Variants in PPFIA4 observed in about 807,000 individuals in gnomAD.
PPFIA4 encodes PPFI scaffold protein A4.
Under a neutral mutation model 145.7 loss-of-function variants are expected in PPFIA4, and 98 were observed. The ratio of observed to expected loss-of-function variants is 0.67; its 90% CI spans 0.57 to 0.80. The LOEUF (loss-of-function observed/expected upper bound fraction) is 0.80. Ranked by LOEUF, PPFIA4 falls within the 30% of genes least tolerant of loss-of-function variation. The probability of loss-of-function intolerance (pLI) is 0.00; values close to 1 mark genes in which losing one functional copy is unlikely to be tolerated. For synonymous variants in PPFIA4, 628 were observed against 649.6 expected (o/e 0.97, Z 0.51); for missense variants, 1,457 against 1,632.7 (o/e 0.89, Z 1.85).
intron 16 of PPFIA4, 75 bp from the exon 17 acceptor site, chr1:203,056,045 C>G: frequency 2.0e-6 from 3 of 1,489,000 alleles, no homozygotes; most frequent in Non-Finnish European, 2.8e-6. Context: ...ATCCTAAGAC[C>G]ACTGGGCTCC....
rs1307688379 is a variant in PPFIA4 at position 203,026,594 on chromosome 1, G to A, written c.-435G>A. ...TCGGGGGCGGCTCCCTGCTGCTTCC[G>A]AGCCTAGCCGCCTGGCCTTCGGCAT... On this transcript the variant is annotated 5_prime_UTR_variant, in exon 1 of 30. Coordinates refer to ENST00000295706, the MANE Select transcript of PPFIA4 (RefSeq NM_001304331.2). The A allele has an allele frequency of 2.0e-5, 3 of 152,358 alleles. No individual in the cohort carries two copies. Among genetic ancestry groups the A allele is most frequent in the South Asian group, 4.1e-4 (2 of 4,842 alleles). The allele number at this position is 152,358 out of a possible 1,614,324, so 9.4% of individuals were successfully genotyped here.
rs1255490894 is a variant in PPFIA4, at chr1:203,078,574, A to G, written c.*2184A>G. On this transcript the variant is annotated 3_prime_UTR_variant, in exon 30 of 30. Coordinates refer to ENST00000295706, the MANE Select transcript of PPFIA4 (RefSeq NM_001304331.2). The stretch of plus-strand genomic sequence containing the variant: ...CAATATATTTTTTTTTTGGCGAGTC[A>G]CCAGTGACCCGAGCCCTCCACACCA... 6.6e-6 allele frequency: 1 copy of G among 152,132 alleles called. No individual in the cohort carries two copies. Among genetic ancestry groups the G allele is most frequent in the African/African-American group, 2.4e-5 (1 of 41,240 alleles). The allele number at this position is 152,132 out of a possible 1,614,324, so 9.4% of individuals were successfully genotyped here. A position where few individuals can be genotyped will look rare whatever the true frequency, so the allele number is the denominator to read the frequency against.
At chr1:203,067,073 A>C (rs1661773365) in intron 25 of PPFIA4, among the ~76,000 whole-genome samples, 1 of 152,202 alleles carries the variant, frequency 6.6e-6, no homozygotes, top group Non-Finnish European at 1.5e-5. Flanking sequence ...CATTTAAGCA[A>C]AGACTTAATG....
At chr1:203,051,921 C>A in intron 14 of PPFIA4, 44 bp downstream of exon 14, 1 of 1,588,770 alleles carries the variant, frequency 6.3e-7, no homozygotes, top group South Asian at 1.1e-5. Context: ...GGGGTCAATT[C>A]GGCCGCGTGC....
At chr1:203,050,095 A>C (rs1270095786) in intron 13 of PPFIA4, among the ~76,000 whole-genome samples, 52 of 152,184 alleles carry the variant, frequency 3.4e-4, no homozygotes, top group Admixed American at 3.4e-3. Context: ...TTGCTTAGCC[A>C]TGTCCTACAG....
chr1:203,068,313 T>G lies in PPFIA4; in HGVS notation c.3149-140T>G. On this transcript the variant is annotated intron_variant, in intron 26 of 29. Transcript: ENST00000295706. The surrounding 1 kb of genome is among the most constrained non-coding windows in gnomAD (Gnocchi z 4.7). ...TGCCAGGGAGGAGAGAAAGAAGATA[T>G]GGAAATTTAGGGATGGAGTGGGGGT... is the stretch of plus-strand genomic sequence containing the variant. 1 of 727,006 alleles carries G rather than the reference T, an allele frequency of 1.4e-6. No individual in the cohort carries two copies. Among genetic ancestry groups the G allele is most frequent in the Non-Finnish European group, 2.1e-6 (1 of 479,806 alleles). The allele number at this position is 727,006 out of a possible 1,614,324, so 45.0% of individuals were successfully genotyped here.
chr1:203,056,618 A>T, intron 18 of PPFIA4, 110 bp downstream of exon 18: 1 of 1,437,542 alleles, frequency 7.0e-7, no homozygotes, highest in Non-Finnish European at 9.4e-7. Context: ...TGAATGTCTT[A>T]CTTCTCTTTG....
At chr1:203,067,832 G>C (rs1193446268) in intron 26 of PPFIA4, 40 bp downstream of exon 26, 2 of 1,566,882 alleles carry the variant, frequency 1.3e-6, no homozygotes, top group African/African-American at 2.7e-5. Flanking sequence ...GGAGCAGCCT[G>C]CTTGGCTGGT....
At chr1:203,042,069 T>C (rs1357690133) in intron 2 of PPFIA4, among the ~76,000 whole-genome samples, 3 of 152,134 alleles carry the variant, frequency 2.0e-5, no homozygotes, top group Non-Finnish European at 4.4e-5. Flanking sequence ...TGAGAGGGGA[T>C]TGGGAGTTCT....
At chr1:203,067,237 A>C (rs1558099091) in intron 25 of PPFIA4, among the ~76,000 whole-genome samples, 1 of 152,188 alleles carries the variant, frequency 6.6e-6, no homozygotes, top group Non-Finnish European at 1.5e-5. Flanking sequence ...CAGAGAGAGC[A>C]AGAGGGAGAG....
At chr1:203,034,792 T>G (rs1659108505) in intron 1 of PPFIA4, 1 of 430,998 alleles carries the variant, frequency 2.3e-6, no homozygotes, top group African/African-American at 2.0e-5. Context: ...TGGGGAAGGT[T>G]TCTTGGAGAA....
intron 25 of PPFIA4, among the ~76,000 whole-genome samples, chr1:203,066,372 C>G (rs1661731185): frequency 1.3e-5 from 2 of 152,166 alleles, no homozygotes; most frequent in African/African-American, 4.8e-5. Context: ...AGGGAGCAGT[C>G]TGCACAATTT....
At chr1:203,053,271 G>A (rs1327501937) in intron 14 of PPFIA4, among the ~76,000 whole-genome samples, 4 of 150,948 alleles carry the variant, frequency 2.6e-5, no homozygotes, top group Non-Finnish European at 5.9e-5. Flanking sequence ...GGTGGCTCAC[G>A]CTTGTAATCC....
At chr1:203,052,049 C>CCCA (rs1262073454) in intron 14 of PPFIA4, among the ~76,000 whole-genome samples, 172 bp downstream of exon 14, 4 of 137,238 alleles carry the variant, frequency 2.9e-5, no homozygotes, top group Non-Finnish European at 6.4e-5. Context: ...AGCTGTGCCC[C>CCCA]CCCCCCCGCT....
chr1:203,056,040 A>G, intron 16 of PPFIA4, 80 bp from the exon 17 acceptor site: 3 of 1,445,602 alleles, frequency 2.1e-6, no homozygotes, highest in South Asian at 1.2e-5. Context: ...TTCTCATCCT[A>G]AGACCACTGG....
chr1:203,044,654 C>T, intron 5 of PPFIA4, 42 bp from the exon 6 acceptor site: 1 of 1,517,024 alleles, frequency 6.6e-7, no homozygotes. Context: ...ATGGGAGGTT[C>T]TCTTCTCTTT....
In PPFIA4 at chr1:203,075,782, G is replaced by GGCCGAGGCCCA. The variant is rs1049907328; in HGVS notation, c.3574+32_3574+42dup. 15 of 1,353,738 alleles carry GGCCGAGGCCCA rather than the reference G, an allele frequency of 1.1e-5. No homozygotes were observed. In the African/African-American group the frequency reaches 2.3e-4, roughly 21 times the overall value. 83.9% of individuals were successfully genotyped at this position (1,353,738 alleles called of 1,614,324 possible). A position where few individuals can be genotyped will look rare whatever the true frequency, so the allele number is the denominator to read the frequency against. On this transcript the variant is annotated intron_variant, in intron 29 of 29. Transcript: ENST00000295706. This position sits in a 1 kb window ranked among gnomAD's most constrained non-coding sequence, Gnocchi z 4.1. ...GGTGAGTAACAGGCGGGCTGGGCAT[G>GGCCGAGGCCCA]GCCGAGGCCCAGCCGAGCGCGGGCT...
At position 203,043,900 on chromosome 1, in the gene PPFIA4, C is replaced by A; in HGVS notation, c.337-31C>A. 1 of 1,564,070 alleles carries A rather than the reference C, an allele frequency of 6.4e-7. No homozygotes were observed. Among genetic ancestry groups the A allele is most frequent in the Non-Finnish European group, 8.7e-7 (1 of 1,153,368 alleles). On this transcript the variant is annotated intron_variant, in intron 3 of 29. Transcript: ENST00000295706. This position sits in a 1 kb window ranked among gnomAD's most constrained non-coding sequence, Gnocchi z 4.4. Reference sequence around the variant, plus strand: ...CCCTGGGGCACATGCTTACAGCCCTCCCTCTCACCCTCCCCTGCTCTCCCT... The same window carrying A: ...CCCTGGGGCACATGCTTACAGCCCTACCTCTCACCCTCCCCTGCTCTCCCT...
At chr1:203,046,182 G>A in intron 8 of PPFIA4, 66 bp from the exon 9 acceptor site, 1 of 1,545,664 alleles carries the variant, frequency 6.5e-7, no homozygotes, top group Non-Finnish European at 8.8e-7. Context: ...TCTCTGCTGA[G>A]GCTGGGGTGG....
Sources: allele counts gnomAD v4.1 joint callset (sites outside exome capture counted in the v4.1 genomes callset), GRCh38; gene constraint gnomAD v4.1.1; non-coding constraint Gnocchi (gnomAD v3.1); transcripts MANE v1.5; gene names NCBI Gene and HGNC (gene_info 2026-07-23, HGNC 2026-07-21).